Variants in PACS1 observed in about 807,000 individuals in gnomAD.
The protein encoded by PACS1 is PACS-1.
Under a neutral mutation model 115.0 loss-of-function variants are expected in PACS1, and 24 were observed. That is an observed-to-expected ratio of 0.21 (90% CI 0.15 to 0.29). The LOEUF is 0.29. Ranked by LOEUF, PACS1 falls within the 10% of genes least tolerant of loss-of-function variation. PACS1 has a pLI of 1.00. For synonymous variants in PACS1, 453 were observed against 504.5 expected (o/e 0.90, Z 1.37); for missense variants, 838 against 1,251.2 (o/e 0.67, Z 4.98).
chr11:66,099,751 A>G (rs554320156), intron 1 of PACS1, among the ~76,000 whole-genome samples: 1 of 151,534 alleles, frequency 6.6e-6, no homozygotes, highest in South Asian at 2.1e-4. Flanking sequence ...TTGCCATGTT[A>G]TTCAGGCTGG....
At chr11:66,143,200 T>C (rs537150546) in intron 1 of PACS1, among the ~76,000 whole-genome samples, 86 of 152,312 alleles carry the variant, frequency 5.6e-4, no homozygotes, top group Non-Finnish European at 1.0e-3. Flanking sequence ...CAATTCCGCC[T>C]TATCAGTTAA....
intron 1 of PACS1, among the ~76,000 whole-genome samples, chr11:66,177,580 A>C (rs530963774): frequency 6.6e-6 from 1 of 152,154 alleles, no homozygotes; most frequent in Admixed American, 6.5e-5. Context: ...CCTTCTATTA[A>C]AAGTCCACCT....
At chr11:66,217,849 T>C (rs1855249441) in intron 7 of PACS1, 3 of 288,238 alleles carry the variant, frequency 1.0e-5, no homozygotes, top group Non-Finnish European at 2.0e-5. Flanking sequence ...TTTTTCCTGC[T>C]CTGTAACCAG....
intron 10 of PACS1, among the ~76,000 whole-genome samples, chr11:66,222,318 G>A (rs1036770569): frequency 8.5e-5 from 13 of 152,210 alleles, no homozygotes; most frequent in African/African-American, 2.6e-4. Context: ...GCAGTGCCCC[G>A]AGAAAATTTA....
At chr11:66,226,346 T>C (rs1036342895) in intron 10 of PACS1, among the ~76,000 whole-genome samples, 6 of 152,152 alleles carry the variant, frequency 3.9e-5, no homozygotes, top group Non-Finnish European at 4.4e-5. Context: ...GTCCTGCAAA[T>C]GGCCTGGAGC....
Position 66,112,707 on chromosome 11 carries a change from G to T in PACS1, c.356+41865G>T, listed in dbSNP as rs536873607. Among the ~76,000 whole-genome samples the T allele has an allele frequency of 2.6e-3, 396 of 152,292 alleles. 3 individuals carry two copies. The highest frequency in any genetic ancestry group is 4.7e-3 in the Non-Finnish European group (320 of 68,026). On this transcript the variant is annotated intron_variant, in intron 1 of 23. Transcript: ENST00000320580. Reference sequence around the variant, plus strand: ...TGCATGGGCCAGTGCCAGGGGTCGAGTTGTAGTGAACTGAGAGTACATGGA... The same window carrying T: ...TGCATGGGCCAGTGCCAGGGGTCGATTTGTAGTGAACTGAGAGTACATGGA...
chr11:66,101,416 TG>T (rs2134529123), intron 1 of PACS1, among the ~76,000 whole-genome samples: 1 of 152,358 alleles, frequency 6.6e-6, no homozygotes, highest in Non-Finnish European at 1.5e-5. Context: ...AACTAATTTT[TG>T]CATCCTGTTT....
At chr11:66,222,498 C>T (rs748843155) in intron 10 of PACS1, among the ~76,000 whole-genome samples, 65 of 152,168 alleles carry the variant, frequency 4.3e-4, no homozygotes, top group Admixed American at 2.7e-3. Flanking sequence ...GACCTCAGGC[C>T]CTAGGAAGCT....
intron 1 of PACS1, among the ~76,000 whole-genome samples, chr11:66,116,458 T>C (rs1367496365): frequency 6.6e-6 from 1 of 152,260 alleles, no homozygotes; most frequent in Non-Finnish European, 1.5e-5. Flanking sequence ...TGATTAATGC[T>C]AGAAAACAGC....
At chr11:66,182,470 T>C (rs1295373437) in intron 1 of PACS1, among the ~76,000 whole-genome samples, 1 of 144,024 alleles carries the variant, frequency 6.9e-6, no homozygotes, top group Non-Finnish European at 1.5e-5. Flanking sequence ...GTTGCTTTGC[T>C]TTTTTTTTTT....
intron 1 of PACS1, among the ~76,000 whole-genome samples, chr11:66,111,104 C>A (rs1284199535): frequency 6.6e-6 from 1 of 152,202 alleles, no homozygotes; most frequent in African/African-American, 2.4e-5. Flanking sequence ...GCCCACTACG[C>A]ACCTAGGCTG....
intron 1 of PACS1, among the ~76,000 whole-genome samples, chr11:66,181,184 C>CT (rs59452516): frequency 5.4e-4 from 79 of 145,686 alleles, no homozygotes; most frequent in African/African-American, 1.6e-3. Flanking sequence ...TTTTCTGTTG[C>CT]TTTTTTTTTT....
chr11:66,121,972 A>C (rs1032311772), intron 1 of PACS1, among the ~76,000 whole-genome samples: 3 of 152,262 alleles, frequency 2.0e-5, no homozygotes, highest in African/African-American at 7.2e-5. Context: ...TTTTCAGTGG[A>C]GATGAAAGAG....
At chr11:66,152,167 G>A (rs1383877845) in intron 1 of PACS1, among the ~76,000 whole-genome samples, 3 of 152,134 alleles carry the variant, frequency 2.0e-5, no homozygotes, top group Non-Finnish European at 4.4e-5. Flanking sequence ...CCAAGAGATC[G>A]AGGCTGCAGT....
At chr11:66,113,548 T>C (rs1024052398) in intron 1 of PACS1, among the ~76,000 whole-genome samples, 5 of 152,236 alleles carry the variant, frequency 3.3e-5, no homozygotes, top group African/African-American at 1.2e-4. Flanking sequence ...AAAAAAATGT[T>C]TGCAGCACAT....
intron 1 of PACS1, among the ~76,000 whole-genome samples, chr11:66,107,101 C>T (rs1357136977): frequency 6.6e-6 from 1 of 152,162 alleles, no homozygotes; most frequent in East Asian, 1.9e-4. Context: ...ATTCAAATGC[C>T]ATTCAGTGGT....
At chr11:66,077,089 G>A (rs771520904) in intron 1 of PACS1, among the ~76,000 whole-genome samples, 2 of 152,168 alleles carry the variant, frequency 1.3e-5, no homozygotes, top group Non-Finnish European at 2.9e-5. Flanking sequence ...TGTTCACAGG[G>A]CAGTCAGCTG....
chr11:66,150,518 C>CT (rs1859211395), intron 1 of PACS1, among the ~76,000 whole-genome samples: 1 of 151,736 alleles, frequency 6.6e-6, no homozygotes, highest in African/African-American at 2.4e-5. Context: ...TGCTATATGA[C>CT]TTTATCACAT....
chr11:66,213,321 T>G (rs945847899), intron 4 of PACS1, among the ~76,000 whole-genome samples: 3 of 152,248 alleles, frequency 2.0e-5, no homozygotes, highest in African/African-American at 7.2e-5. Context: ...AGCCCCTTCA[T>G]GCCAGCTTTG....
Sources: allele counts gnomAD v4.1 joint callset (sites outside exome capture counted in the v4.1 genomes callset), GRCh38; gene constraint gnomAD v4.1.1; transcripts MANE v1.5; gene names NCBI Gene and HGNC (gene_info 2026-07-23, HGNC 2026-07-21).